The following GTF2F2 variants were observed in gnomAD, a reference collection of about 807,000 sequenced individuals.
The protein encoded by GTF2F2 is general transcription factor IIF subunit 2, also known as ATP-dependent helicase GTF2F2.
A neutral mutation model predicts 42.2 loss-of-function variants in GTF2F2; 23 were observed. The ratio of observed to expected loss-of-function variants is 0.55; its 90% confidence interval spans 0.39 to 0.77. The LOEUF (loss-of-function observed/expected upper bound fraction) is 0.77. GTF2F2 is among the 30% of genes least tolerant of loss of function. The probability of loss-of-function intolerance (pLI) is 0.00; values close to 1 mark genes in which losing one functional copy is unlikely to be tolerated. For missense variants in GTF2F2, 261 were observed against 287.2 expected, an observed-to-expected ratio of 0.91 and a Z score of 0.66; for synonymous variants, 105 against 100.8, an observed-to-expected ratio of 1.04 and a Z score of -0.25.
intron 2 of GTF2F2, among the ~76,000 whole-genome samples, chr13:45,142,961 A>C (rs1870004155): frequency 6.6e-6 from 1 of 152,210 alleles, no homozygotes; most frequent in Non-Finnish European, 1.5e-5. Context: ...AATGAAGTGG[A>C]ATGATAATCC....
At chr13:45,232,483 A>C (rs1046476524) in intron 5 of GTF2F2, among the ~76,000 whole-genome samples, 1 of 151,876 alleles carries the variant, frequency 6.6e-6, no homozygotes. Context: ...AATTTTTTTT[A>C]AATTAGCTGA....
chr13:45,280,444 C>T (rs913190091), intron 7 of GTF2F2, among the ~76,000 whole-genome samples: 6 of 152,122 alleles, frequency 3.9e-5, no homozygotes, highest in African/African-American at 1.4e-4. Context: ...TACTTCCCTG[C>T]CAAGCTAATT....
intron 4 of GTF2F2, among the ~76,000 whole-genome samples, chr13:45,180,951 C>T (rs977169592): frequency 1.3e-5 from 2 of 151,258 alleles, no homozygotes; most frequent in Admixed American, 6.6e-5. Flanking sequence ...CACTTGAGCC[C>T]AGGAGTTCGA....
chr13:45,190,857 C>G (rs1872586996), intron 4 of GTF2F2, among the ~76,000 whole-genome samples: 1 of 150,732 alleles, frequency 6.6e-6, no homozygotes, highest in South Asian at 2.1e-4. Flanking sequence ...TTAAAGCGAT[C>G]CTCTCGCCTC....
At chr13:45,216,295 T>G (rs1873885615) in intron 5 of GTF2F2, among the ~76,000 whole-genome samples, 1 of 152,190 alleles carries the variant, frequency 6.6e-6, no homozygotes, top group South Asian at 2.1e-4. Context: ...TTCCTTCTTG[T>G]GATCTCTGAT....
intron 4 of GTF2F2, among the ~76,000 whole-genome samples, chr13:45,165,673 T>A (rs918626246): frequency 6.6e-6 from 1 of 151,858 alleles, no homozygotes; most frequent in African/African-American, 2.4e-5. Flanking sequence ...ATCATTCATC[T>A]TCCTGTGAAG....
intron 2 of GTF2F2, among the ~76,000 whole-genome samples, chr13:45,145,350 C>T (rs1234379296): frequency 6.6e-6 from 1 of 152,154 alleles, no homozygotes; most frequent in Admixed American, 6.5e-5. Context: ...TCATCTTATA[C>T]ATTTCTGCCT....
chr13:45,243,593 T>C (rs1347497699), intron 5 of GTF2F2, among the ~76,000 whole-genome samples: 1 of 152,252 alleles, frequency 6.6e-6, no homozygotes, highest in Admixed American at 6.5e-5. Context: ...TAACACAATG[T>C]AAATGCTGTT....
Position 45,191,224 on chromosome 13 carries a change from A to AAAT in GTF2F2, c.305-16199_305-16198insATA. 6.8e-4 allele frequency among the ~76,000 whole-genome samples: 51 copies of AAAT among 75,312 alleles called. 1 individual carries two copies. Among genetic ancestry groups the AAAT allele is most frequent in the East Asian group, 2.7e-3 (9 of 3,314 alleles). 49.4% of individuals were successfully genotyped at this position (75,312 alleles called of 152,430 possible). ...GTCTCTACTAAAAATACAAAAAAAA[A>AAAT]ATATATATATATATATATATATATA... On this transcript the variant is annotated intron_variant, in intron 4 of 7. Coordinates refer to ENST00000340473, the MANE Select transcript of GTF2F2 (RefSeq NM_004128.3).
chr13:45,277,690 G>A (rs992859373), intron 7 of GTF2F2, among the ~76,000 whole-genome samples: 1 of 152,196 alleles, frequency 6.6e-6, no homozygotes, highest in Non-Finnish European at 1.5e-5. Flanking sequence ...TTTTCATTCT[G>A]TTGATATCTC....
chr13:45,208,331 A>C (rs1873500283), intron 5 of GTF2F2, among the ~76,000 whole-genome samples: 1 of 152,172 alleles, frequency 6.6e-6, no homozygotes, highest in Non-Finnish European at 1.5e-5. Context: ...TTGATACCCC[A>C]AATTTTATGA....
intron 6 of GTF2F2, among the ~76,000 whole-genome samples, chr13:45,254,948 C>T (rs1214504291): frequency 6.6e-6 from 1 of 151,974 alleles, no homozygotes; most frequent in East Asian, 1.9e-4. Flanking sequence ...AGGTGGATCA[C>T]CTGAGGTCAG....
In GTF2F2 at chr13:45,160,710, C is replaced by CT. The variant is rs1209384411; in HGVS notation, c.304+8882dup. 2.7e-5 allele frequency among the ~76,000 whole-genome samples: 4 copies of CT among 150,312 alleles called. No individual in the cohort carries two copies. In the South Asian group the frequency reaches 8.4e-4, roughly 32 times the overall value. On this transcript the variant is annotated intron_variant, in intron 4 of 7. Transcript: ENST00000340473. The stretch of plus-strand genomic sequence containing the variant: ...TGGTGATAGGTACAAGTTCTTCAGA[C>CT]TTTAATTTTCACTTAAAAAGTTGAA...
Position 45,151,750 on chromosome 13 carries a change from G to C in GTF2F2, c.223G>C (p.Val75Leu). ...TGATATTGGTGGAAAACCAGCTTCA[G>C]TCAGTGCTCCTAGAGAACATCCATT... is the stretch of plus-strand genomic sequence containing the variant. Reference protein sequence around the residue: ...IHDIGGKPASVSAPREHPFVL... With the variant: ...IHDIGGKPASLSAPREHPFVL... The change falls in exon 4 of 8, where the codon GTC becomes CTC. Residue 75 changes from valine to leucine, a missense_variant. Physicochemically the swap from Val to Leu is conservative, Grantham distance 32 (BLOSUM62 1). Coordinates refer to ENST00000340473, the MANE Select transcript of GTF2F2 (RefSeq NM_004128.3). The C allele has an allele frequency of 6.2e-7, 1 of 1,600,616 alleles. No homozygotes were observed. Among genetic ancestry groups the C allele is most frequent in the South Asian group, 1.1e-5 (1 of 89,878 alleles).
At chr13:45,172,562 C>G (rs900251973) in intron 4 of GTF2F2, among the ~76,000 whole-genome samples, 1 of 152,056 alleles carries the variant, frequency 6.6e-6, no homozygotes, top group African/African-American at 2.4e-5. Context: ...TCTAATGTCT[C>G]TTTTTTATTT....
In GTF2F2 at chr13:45,240,175, C is replaced by T. The variant is rs979050205; in HGVS notation, c.387-12696C>T. Among the ~76,000 whole-genome samples, 5 of 126,946 alleles carry T rather than the reference C, an allele frequency of 3.9e-5. No individual in the cohort carries two copies. In the East Asian group the frequency reaches 1.2e-3, roughly 32 times the overall value. The allele number at this position is 126,946 out of a possible 152,430, so 83.3% of individuals were successfully genotyped here. ...TGCCATGCACTCTCCTAAGAACAATCTAGGAGAGCCCATCAGCCAACTCAT... is the reference window on the plus strand; with the variant it reads ...TGCCATGCACTCTCCTAAGAACAATTTAGGAGAGCCCATCAGCCAACTCAT... On this transcript the variant is annotated intron_variant, in intron 5 of 7. Coordinates refer to ENST00000340473, the MANE Select transcript of GTF2F2 (RefSeq NM_004128.3).
At position 45,284,663 on chromosome 13, in the gene GTF2F2, T is replaced by C. The variant is rs1877390938; in HGVS notation, c.*1102T>C. 1 of 152,042 alleles carries C rather than the reference T, an allele frequency of 6.6e-6. No individual in the cohort carries two copies. The allele number at this position is 152,042 out of a possible 1,614,324, so 9.4% of individuals were successfully genotyped here. ...GAAGTAGCAAATGCCCAAGTTGCCATAGTGTTTGCAGGAAAAAAAGAGAAA... is the reference window on the plus strand; with the variant it reads ...GAAGTAGCAAATGCCCAAGTTGCCACAGTGTTTGCAGGAAAAAAAGAGAAA... On this transcript the variant is annotated 3_prime_UTR_variant, in exon 8 of 8. Coordinates refer to ENST00000340473, the MANE Select transcript of GTF2F2 (RefSeq NM_004128.3).
chr13:45,143,673 T>A lies in GTF2F2; in HGVS notation c.141-6097T>A, dbSNP rs190938349. ...AACTAGGAGATCTGTATGGCGTGGC[T>A]GCTTATTCCAGAAGACAGGGCTGTG... On this transcript the variant is annotated intron_variant, in intron 2 of 7. Transcript: ENST00000340473. Among the ~76,000 whole-genome samples the A allele has an allele frequency of 3.6e-4, 55 of 152,214 alleles. 1 individual carries two copies. Among genetic ancestry groups the A allele is most frequent in the Middle Eastern group, 3.4e-3 (1 of 294 alleles).
At chr13:45,213,003 A>G (rs935925353) in intron 5 of GTF2F2, among the ~76,000 whole-genome samples, 10 of 152,150 alleles carry the variant, frequency 6.6e-5, no homozygotes, top group Admixed American at 3.9e-4. Context: ...CAGCCTCCCA[A>G]TGTGCTGGGG....
Sources: gnomAD v4.1 joint callset for allele counts (sites outside exome capture counted in the v4.1 genomes callset) on GRCh38, gnomAD v4.1.1 for gene constraint, MANE v1.5 for transcripts, NCBI Gene and HGNC (gene_info 2026-07-23, HGNC 2026-07-21) for gene names.